Variants in SGMS2 observed in about 807,000 individuals in gnomAD.
SGMS2 encodes phosphatidylcholine:ceramide cholinephosphotransferase 2.
SGMS2 carries 21 observed loss-of-function variants against 43.8 expected under a neutral mutation model. The observed-to-expected ratio is 0.48, with a 90% CI of 0.34 to 0.69. The LOEUF is 0.69. SGMS2 is among the 30% of genes least tolerant of loss of function. The probability of loss-of-function intolerance (pLI) is 0.01; values close to 1 mark genes in which losing one functional copy is unlikely to be tolerated. For synonymous variants in SGMS2, 167 were observed against 160.6 expected, an observed-to-expected ratio of 1.04 and a Z score of -0.30; for missense variants, 384 against 443.2, an observed-to-expected ratio of 0.87 and a Z score of 1.20.
intron 1 of SGMS2, among the ~76,000 whole-genome samples, chr4:107,853,902 C>T (rs1477746543): frequency 6.6e-6 from 1 of 152,190 alleles, no homozygotes; most frequent in Non-Finnish European, 1.5e-5. Context: ...AAAAGCTTCT[C>T]CAAGAATGCA....
intron 2 of SGMS2, among the ~76,000 whole-genome samples, chr4:107,883,427 C>G (rs1729511212): frequency 6.6e-6 from 1 of 152,078 alleles, no homozygotes; most frequent in Admixed American, 6.6e-5. Context: ...GGATTCTTGT[C>G]CCTCAGCCTC....
intron 1 of SGMS2, among the ~76,000 whole-genome samples, chr4:107,829,462 A>G (rs1405420426): frequency 2.0e-5 from 3 of 152,306 alleles, no homozygotes; most frequent in Admixed American, 6.5e-5. Context: ...CACTTTATTA[A>G]TTTCTAACAA....
intron 2 of SGMS2, among the ~76,000 whole-genome samples, chr4:107,874,372 C>A (rs1053589200): frequency 1.3e-5 from 2 of 152,196 alleles, no homozygotes; most frequent in African/African-American, 4.8e-5. Flanking sequence ...AAATAAAAGT[C>A]TTGAGTGAGC....
rs1271181722 is a variant in SGMS2, at chr4:107,911,999, G to A, written c.*1446G>A. The A allele has an allele frequency of 1.3e-5, 2 of 152,090 alleles. No individual in the cohort carries two copies. Among genetic ancestry groups the A allele is most frequent in the Non-Finnish European group, 2.9e-5 (2 of 68,008 alleles). The allele number at this position is 152,090 out of a possible 1,614,324, so 9.4% of individuals were successfully genotyped here. A position where few individuals can be genotyped will look rare whatever the true frequency, so the allele number is the denominator to read the frequency against. The stretch of plus-strand genomic sequence containing the variant: ...GGGCAGAGGGTGGAGAGGCCAATGC[G>A]GGTAGAAGGAGGCAGTTATGTTTAT... On this transcript the variant is annotated 3_prime_UTR_variant, in exon 7 of 7. Coordinates refer to ENST00000690982, the MANE Select transcript of SGMS2 (RefSeq NM_001375905.1).
intron 2 of SGMS2, among the ~76,000 whole-genome samples, chr4:107,864,936 T>A: frequency 6.6e-6 from 1 of 152,222 alleles, no homozygotes; most frequent in East Asian, 1.9e-4. Flanking sequence ...CAGAGGTTTT[T>A]CTATTTTATT....
chr4:107,883,020 T>G (rs1416933365), intron 2 of SGMS2, among the ~76,000 whole-genome samples: 1 of 152,176 alleles, frequency 6.6e-6, no homozygotes, highest in Non-Finnish European at 1.5e-5. Context: ...AATTTTAAAA[T>G]TATATTTACA....
intron 2 of SGMS2, among the ~76,000 whole-genome samples, chr4:107,883,229 T>C (rs1729497680): frequency 6.6e-6 from 1 of 152,190 alleles, no homozygotes; most frequent in Admixed American, 6.5e-5. Flanking sequence ...CATGGCCTTT[T>C]CCCATTTTTT....
intron 1 of SGMS2, among the ~76,000 whole-genome samples, chr4:107,844,715 G>A (rs1375713363): frequency 6.6e-6 from 1 of 152,012 alleles, no homozygotes; most frequent in African/African-American, 2.4e-5. Context: ...CCAAAAAAAT[G>A]TGTCTATTCT....
chr4:107,911,321 C>T lies in SGMS2; in HGVS notation c.*768C>T, dbSNP rs1437276309. 6.6e-6 allele frequency: 1 copy of T among 152,110 alleles called. No homozygotes were observed. Among genetic ancestry groups the T allele is most frequent in the Admixed American group, 6.5e-5 (1 of 15,268 alleles). 9.4% of individuals were successfully genotyped at this position (152,110 alleles called of 1,614,324 possible). On this transcript the variant is annotated 3_prime_UTR_variant, in exon 7 of 7. Coordinates refer to ENST00000690982, the MANE Select transcript of SGMS2 (RefSeq NM_001375905.1). ...GAGATGGTTTCTGCTAATGAGTGGC[C>T]CTTGAGTACACACTTAGATGCTGTC...
chr4:107,845,740 C>T (rs574926106), intron 1 of SGMS2, among the ~76,000 whole-genome samples: 14 of 152,278 alleles, frequency 9.2e-5, no homozygotes, highest in African/African-American at 3.4e-4. Context: ...TGTCAGGGCA[C>T]AATTTTGCAG....
At chr4:107,893,940 C>G (rs1560665795) in intron 2 of SGMS2, among the ~76,000 whole-genome samples, 1 of 152,176 alleles carries the variant, frequency 6.6e-6, no homozygotes, top group Admixed American at 6.6e-5. Context: ...ACTGCAAGCT[C>G]TTTGGCTGAA....
intron 1 of SGMS2, among the ~76,000 whole-genome samples, chr4:107,839,792 T>A (rs1726396739): frequency 1.3e-5 from 2 of 152,228 alleles, no homozygotes; most frequent in South Asian, 2.1e-4. Context: ...TCTTTTAAAA[T>A]TTATTTTTAA....
At chr4:107,860,728 T>C (rs1466716140) in intron 2 of SGMS2, among the ~76,000 whole-genome samples, 1 of 152,150 alleles carries the variant, frequency 6.6e-6, no homozygotes, top group Non-Finnish European at 1.5e-5. Flanking sequence ...TTTCGCCATG[T>C]TGGCCAGGCT....
rs1196247208 is a variant in SGMS2, at chr4:107,911,468, C to G, written c.*915C>G. ...GAATGAGCCTGTTTTCTTTCCAGGTCAGGCCCTGGTGTGAGATCAATTTTA... is the reference window on the plus strand; with the variant it reads ...GAATGAGCCTGTTTTCTTTCCAGGTGAGGCCCTGGTGTGAGATCAATTTTA... On this transcript the variant is annotated 3_prime_UTR_variant, in exon 7 of 7. Coordinates refer to ENST00000690982, the MANE Select transcript of SGMS2 (RefSeq NM_001375905.1). 1 of 152,216 alleles carries G rather than the reference C, an allele frequency of 6.6e-6. No individual in the cohort carries two copies. Among genetic ancestry groups the G allele is most frequent in the Non-Finnish European group, 1.5e-5 (1 of 68,052 alleles). 9.4% of individuals were successfully genotyped at this position (152,216 alleles called of 1,614,324 possible).
At chr4:107,844,884 TA>T (rs1361395761) in intron 1 of SGMS2, among the ~76,000 whole-genome samples, 1 of 152,190 alleles carries the variant, frequency 6.6e-6, no homozygotes, top group Non-Finnish European at 1.5e-5. Flanking sequence ...CTGATTGATG[TA>T]GCCTTTGATC....
intron 1 of SGMS2, among the ~76,000 whole-genome samples, chr4:107,828,848 A>G (rs1023207419): frequency 6.6e-6 from 1 of 152,238 alleles, no homozygotes; most frequent in African/African-American, 2.4e-5. Context: ...TTCTCTATGG[A>G]GTCGCACAGT....
At chr4:107,875,265 T>C (rs139029458) in intron 2 of SGMS2, among the ~76,000 whole-genome samples, 13 of 152,230 alleles carry the variant, frequency 8.5e-5, no homozygotes, top group Non-Finnish European at 1.5e-4. Flanking sequence ...TAAGTGGCCA[T>C]TGATGATAGA....
At chr4:107,842,806 G>T (rs987879586) in intron 1 of SGMS2, among the ~76,000 whole-genome samples, 2 of 152,076 alleles carry the variant, frequency 1.3e-5, no homozygotes, top group African/African-American at 4.8e-5. Context: ...AAATCCTGTG[G>T]TGTAATCGGA....
At position 107,895,256 on chromosome 4, in the gene SGMS2, T is replaced by C. The variant is rs17038199; in HGVS notation, c.-244-54T>C. The C allele has an allele frequency of 1.5e-3, 488 of 319,774 alleles. 4 individuals are homozygous for C. The highest frequency in any genetic ancestry group is 9.6e-3 in the African/African-American group (453 of 47,070). The allele number at this position is 319,774 out of a possible 1,614,324, so 19.8% of individuals were successfully genotyped here. A position where few individuals can be genotyped will look rare whatever the true frequency, so the allele number is the denominator to read the frequency against. ...AGTTTAAGAATGTTTCTGTTTTGGA[T>C]GGTTGACAGTTGGACAAGCATAGTT... On this transcript the variant is annotated intron_variant, in intron 2 of 6. Transcript: ENST00000690982.
Sources: gnomAD v4.1 joint callset for allele counts (sites outside exome capture counted in the v4.1 genomes callset) on GRCh38, gnomAD v4.1.1 for gene constraint, MANE v1.5 for transcripts, NCBI Gene and HGNC (gene_info 2026-07-23, HGNC 2026-07-21) for gene names.